Variants in LTBP1 observed in about 807,000 individuals in gnomAD.
The protein encoded by LTBP1 is latent transforming growth factor beta binding protein 1.
LTBP1 carries 129 observed loss-of-function variants against 207.6 expected under a neutral mutation model. The ratio of observed to expected loss-of-function variants is 0.62; its 90% CI spans 0.54 to 0.72. LTBP1 has a LOEUF of 0.72. LTBP1 is among the 30% of genes least tolerant of loss of function. The pLI, the probability that LTBP1 is intolerant of heterozygous loss-of-function variation, is 0.00. For synonymous variants in LTBP1, 963 were observed against 833.7 expected (o/e 1.16, Z -2.67); for missense variants, 2,281 against 2,217.2 (o/e 1.03, Z -0.58).
intron 31 of LTBP1, among the ~76,000 whole-genome samples, chr2:33,374,100 T>C (rs1453425824): frequency 6.6e-6 from 1 of 152,206 alleles, no homozygotes; most frequent in African/African-American, 2.4e-5. Context: ...AGACAGGGAT[T>C]TGACTCATGG....
chr2:33,108,746 G>A (rs751631962), intron 3 of LTBP1, among the ~76,000 whole-genome samples: 5 of 152,112 alleles, frequency 3.3e-5, no homozygotes, highest in Admixed American at 6.5e-5. Flanking sequence ...CAGCATGGCC[G>A]GAGGGCAAAT....
intron 3 of LTBP1, among the ~76,000 whole-genome samples, chr2:33,087,841 T>A (rs2078850743): frequency 6.6e-6 from 1 of 152,244 alleles, no homozygotes; most frequent in African/African-American, 2.4e-5. Flanking sequence ...ACCATCATGT[T>A]CTAATTACTA....
rs772454136 is a variant in LTBP1, at chr2:33,110,578, C to T, written c.864-4C>T. ...TTCCTTCTCTTTATTTTGTTTCTTC[C>T]CAGAGTGACTCCTCTTTCTTCCCAG... On this transcript the variant is annotated splice_polypyrimidine_tract_variant and splice_region_variant and intron_variant, in intron 3 of 33. Coordinates refer to ENST00000404816, the MANE Select transcript of LTBP1 (RefSeq NM_206943.4). 35 of 1,610,804 alleles carry T rather than the reference C, an allele frequency of 2.2e-5. No individual in the cohort carries two copies. Among genetic ancestry groups the T allele is most frequent in the Non-Finnish European group, 2.8e-5 (33 of 1,178,178 alleles).
chr2:33,252,034 T>A (rs2092700344), intron 10 of LTBP1, among the ~76,000 whole-genome samples: 1 of 152,238 alleles, frequency 6.6e-6, no homozygotes, highest in African/African-American at 2.4e-5. Flanking sequence ...TAGCCTTGTA[T>A]ACTTTTGCAG....
At chr2:33,142,512 A>G (rs1293084070) in intron 5 of LTBP1, among the ~76,000 whole-genome samples, 2 of 151,970 alleles carry the variant, frequency 1.3e-5, no homozygotes, top group African/African-American at 4.8e-5. Context: ...GGGTAGACGA[A>G]GGGGTGCGTG....
At chr2:33,387,156 T>C (rs1198773205) in intron 31 of LTBP1, among the ~76,000 whole-genome samples, 1 of 152,148 alleles carries the variant, frequency 6.6e-6, no homozygotes, top group Admixed American at 6.5e-5. Context: ...ATTTTTAACA[T>C]CTCCTCTAGA....
At chr2:33,374,049 C>G (rs569698239) in intron 31 of LTBP1, among the ~76,000 whole-genome samples, 21 of 152,240 alleles carry the variant, frequency 1.4e-4, no homozygotes, top group African/African-American at 5.1e-4. Flanking sequence ...CCAAAGATCT[C>G]AGGGCAAGAA....
chr2:33,257,388 A>G lies in LTBP1; in HGVS notation c.2272A>G (p.Lys758Glu), dbSNP rs140258970. Residue 758 changes from lysine (K) to glutamate (E), a missense_variant, in exon 12 of 34, where the codon AAG (lysine) becomes GAG (glutamate). By Grantham distance (56) the Lys-to-Glu change is moderately conservative. Transcript: ENST00000404816. ...TGTAGGTAAAGGACCTGTATTTGTC[A>G]AGCCAAAGAACACTCAACCTGTTGC... is the stretch of plus-strand genomic sequence containing the variant. Reference protein sequence around the residue: ...HHVGKGPVFVKPKNTQPVAKS... With the variant: ...HHVGKGPVFVEPKNTQPVAKS... 1 of 1,614,110 alleles carries G rather than the reference A, an allele frequency of 6.2e-7. No homozygotes were observed. Among genetic ancestry groups the G allele is most frequent in the African/African-American group, 1.3e-5 (1 of 74,934 alleles).
chr2:33,275,283 T>C (rs2093402786), intron 17 of LTBP1, among the ~76,000 whole-genome samples, 193 bp downstream of exon 17: 1 of 152,150 alleles, frequency 6.6e-6, no homozygotes, highest in South Asian at 2.1e-4. Flanking sequence ...AGAAAGAGTG[T>C]CATATATGTG....
At chr2:32,974,519 C>G (rs1681413823) in intron 2 of LTBP1, among the ~76,000 whole-genome samples, 1 of 152,080 alleles carries the variant, frequency 6.6e-6, no homozygotes, top group Admixed American at 6.5e-5. Flanking sequence ...CAAATATTTT[C>G]TCCCATTCTG....
intron 4 of LTBP1, among the ~76,000 whole-genome samples, chr2:33,133,481 C>T (rs141198022): frequency 2.5e-4 from 38 of 152,246 alleles, no homozygotes; most frequent in Non-Finnish European, 5.0e-4. Context: ...TGCCTAGTCT[C>T]CTGGAAAGAG....
chr2:33,248,867 A>G (rs1245721501), intron 10 of LTBP1, among the ~76,000 whole-genome samples: 6 of 152,098 alleles, frequency 3.9e-5, no homozygotes, highest in Non-Finnish European at 7.4e-5. Context: ...GATTACAGGC[A>G]TGAGCCACCG....
intron 5 of LTBP1, among the ~76,000 whole-genome samples, chr2:33,185,574 T>G (rs2087110827): frequency 6.6e-6 from 1 of 151,990 alleles, no homozygotes; most frequent in African/African-American, 2.4e-5. Flanking sequence ...CATCAGTATA[T>G]AAAGAACAAG....
At chr2:33,268,324 ATAT>A (rs1347763176) in intron 15 of LTBP1, among the ~76,000 whole-genome samples, 1 of 152,222 alleles carries the variant, frequency 6.6e-6, no homozygotes, top group African/African-American at 2.4e-5. Context: ...GAGGAGGTAA[ATAT>A]TATTTGTTAC....
chr2:33,310,641 A>G (rs2094171841), intron 23 of LTBP1, among the ~76,000 whole-genome samples: 1 of 152,210 alleles, frequency 6.6e-6, no homozygotes. Context: ...CTACATTGCC[A>G]TACCAATTAT....
rs567683212 is a variant in LTBP1, at chr2:33,020,336, AC to A, written c.566-572del. Among the ~76,000 whole-genome samples, 528 of 152,208 alleles carry A rather than the reference AC, an allele frequency of 3.5e-3. 6 individuals are homozygous for A. The highest frequency in any genetic ancestry group is 0.012 in the African/African-American group (504 of 41,538). Reference sequence around the variant, plus strand: ...TTTTTGGGGTTGGGGATTGGACTGAACTTTTGTTTTTTGCCAAGTCTTGGCA... The same window carrying A: ...TTTTTGGGGTTGGGGATTGGACTGAATTTTGTTTTTTGCCAAGTCTTGGCA... On this transcript the variant is annotated intron_variant, in intron 2 of 33. Transcript: ENST00000404816.
At chr2:33,338,707 G>A (rs1157296102) in intron 24 of LTBP1, among the ~76,000 whole-genome samples, 1 of 152,160 alleles carries the variant, frequency 6.6e-6, no homozygotes, top group Admixed American at 6.5e-5. Context: ...CAGGGGAAAG[G>A]GGTGGCATGG....
In LTBP1 at chr2:33,398,001, T is replaced by G. The variant is rs1018060027; in HGVS notation, c.4985-363T>G. Among the ~76,000 whole-genome samples, 11 of 152,284 alleles carry G rather than the reference T, an allele frequency of 7.2e-5. 1 individual carries two copies. The highest frequency in any genetic ancestry group is 7.2e-4 in the Admixed American group (11 of 15,306). On this transcript the variant is annotated intron_variant, in intron 33 of 33. Coordinates refer to ENST00000404816, the MANE Select transcript of LTBP1 (RefSeq NM_206943.4). Reference sequence around the variant, plus strand: ...TATGGAAGGCTTTAGACAGGCTGTATGGAGAGGCCTCTGCGTAGGTATCTG... The same window carrying G: ...TATGGAAGGCTTTAGACAGGCTGTAGGGAGAGGCCTCTGCGTAGGTATCTG...
At chr2:33,378,183 A>ATGTGTGTG (rs1196073958) in intron 31 of LTBP1, among the ~76,000 whole-genome samples, 3,051 of 136,154 alleles carry the variant, frequency 0.022, 52 homozygotes, top group African/African-American at 0.057. Context: ...ATATATATAT[A>ATGTGTGTG]TATGTGTGTG....
Sources: gnomAD v4.1 joint callset for allele counts (sites outside exome capture counted in the v4.1 genomes callset) on GRCh38, gnomAD v4.1.1 for gene constraint, MANE v1.5 for transcripts, NCBI Gene and HGNC (gene_info 2026-07-23, HGNC 2026-07-21) for gene names.